Variants in ZNF322 observed in about 807,000 individuals in gnomAD.
ZNF322 encodes the protein HLA complex group 12.
Under a neutral mutation model 18.3 loss-of-function variants are expected in ZNF322, and 1 was observed. The observed-to-expected ratio is 0.05, with a 90% CI of 0.02 to 0.26. The LOEUF is 0.26. Among genes scored for constraint, ZNF322 ranks in the 10% least tolerant of loss-of-function variants. ZNF322 has a pLI of 1.00. For missense variants in ZNF322, 36 were observed against 403.6 expected (o/e 0.09, Z 7.80); for synonymous variants, 17 against 130.7 (o/e 0.13, Z 5.93).
rs535412482 is a variant in ZNF322 at position 26,656,105 on chromosome 6, A to T, written c.-246+2453T>A. Among the ~76,000 whole-genome samples, 29 of 152,304 alleles carry T rather than the reference A, an allele frequency of 1.9e-4. 1 individual carries two copies. The South Asian group carries it at 5.4e-3, about 28-fold the overall frequency. On this transcript the variant is annotated intron_variant, in intron 2 of 3. Coordinates refer to ENST00000415922, the MANE Select transcript of ZNF322 (RefSeq NM_024639.5). ...ATTTTGCAATTTTTTGTATATCTGT[A>T]CTTATTCAAAATTAAAAGGTATTTT...
At chr6:26,652,949 A>G (rs533400444) in intron 2 of ZNF322, among the ~76,000 whole-genome samples, 1 of 152,252 alleles carries the variant, frequency 6.6e-6, no homozygotes, top group East Asian at 1.9e-4. Flanking sequence ...TTTTGCTATG[A>G]ACCTAACAGT....
intron 2 of ZNF322, among the ~76,000 whole-genome samples, chr6:26,657,636 G>T (rs1464040850): frequency 6.6e-6 from 1 of 152,016 alleles, no homozygotes; most frequent in Non-Finnish European, 1.5e-5. Flanking sequence ...TTCTATTAGG[G>T]TTAGGACTTA....
At chr6:26,651,213 A>C (rs1274862996) in intron 2 of ZNF322, among the ~76,000 whole-genome samples, 1 of 151,972 alleles carries the variant, frequency 6.6e-6, no homozygotes, top group African/African-American at 2.4e-5. Context: ...CAGTCTTTTC[A>C]ACAAATGGTG....
chr6:26,654,501 CAA>C (rs1485118413), intron 2 of ZNF322, among the ~76,000 whole-genome samples: 10 of 151,994 alleles, frequency 6.6e-5, no homozygotes, highest in African/African-American at 2.2e-4. Flanking sequence ...AGGAAGTGCT[CAA>C]AAAGTGGTGC....
intron 2 of ZNF322, among the ~76,000 whole-genome samples, chr6:26,655,644 C>G (rs1281999553): frequency 1.3e-5 from 2 of 152,146 alleles, no homozygotes; most frequent in African/African-American, 4.8e-5. Context: ...AAAGTTAATG[C>G]ATTGGAAACT....
intron 2 of ZNF322, among the ~76,000 whole-genome samples, chr6:26,650,785 A>G (rs1321957826): frequency 6.6e-6 from 1 of 152,250 alleles, no homozygotes; most frequent in African/African-American, 2.4e-5. Flanking sequence ...GAAATAAAAA[A>G]GAGAACTAAA....
intron 3 of ZNF322, among the ~76,000 whole-genome samples, chr6:26,639,152 A>C (rs1554148096): frequency 6.6e-6 from 1 of 152,210 alleles, no homozygotes; most frequent in African/African-American, 2.4e-5. Context: ...AGAGAAAAGT[A>C]AGGTTTCTAT....
chr6:26,657,884 C>A (rs1765810534), intron 2 of ZNF322, among the ~76,000 whole-genome samples: 1 of 151,948 alleles, frequency 6.6e-6, no homozygotes, highest in South Asian at 2.1e-4. Flanking sequence ...TAGGAAGAGA[C>A]TAGTACTCTT....
At chr6:26,653,299 C>G (rs1243967058) in intron 2 of ZNF322, among the ~76,000 whole-genome samples, 1 of 152,040 alleles carries the variant, frequency 6.6e-6, no homozygotes, top group East Asian at 1.9e-4. Context: ...CAATCTCGTC[C>G]GGAGGGGAAT....
Position 26,653,075 on chromosome 6 carries a change from C to T in ZNF322, c.-246+5483G>A, listed in dbSNP as rs993584183. Among the ~76,000 whole-genome samples, 4 of 152,048 alleles carry T rather than the reference C, an allele frequency of 2.6e-5. 1 individual carries two copies. The South Asian group carries it at 6.2e-4, about 24-fold the overall frequency. ...AAGGTATGACAATGCATTTTGTTGT[C>T]GACACTGTAAGGAAACAGACACACT... On this transcript the variant is annotated intron_variant, in intron 2 of 3. Coordinates refer to ENST00000415922, the MANE Select transcript of ZNF322 (RefSeq NM_024639.5).
At chr6:26,645,668 C>G (rs192281002) in intron 2 of ZNF322, among the ~76,000 whole-genome samples, 3 of 151,808 alleles carry the variant, frequency 2.0e-5, no homozygotes, top group Admixed American at 6.6e-5. Flanking sequence ...TTTTAGAAAC[C>G]CTTAAAAACC....
chr6:26,639,269 G>A (rs1561921388), intron 3 of ZNF322, among the ~76,000 whole-genome samples: 1 of 152,178 alleles, frequency 6.6e-6, no homozygotes, highest in Non-Finnish European at 1.5e-5. Flanking sequence ...ACACGGTTCT[G>A]TGGAATATTA....
In ZNF322 at chr6:26,636,533, A is replaced by C. The variant is rs1765355704; in HGVS notation, c.*812T>G. On this transcript the variant is annotated 3_prime_UTR_variant, in exon 4 of 4. Coordinates refer to ENST00000415922, the MANE Select transcript of ZNF322 (RefSeq NM_024639.5). Reference sequence around the variant, plus strand: ...AACTAACTATGAGAACAGTCTTCTCATACATATTATATGTACATAGATTCT... The same window carrying C: ...AACTAACTATGAGAACAGTCTTCTCCTACATATTATATGTACATAGATTCT... 6.6e-6 allele frequency: 1 copy of C among 152,140 alleles called. No individual in the cohort carries two copies. The highest frequency in any genetic ancestry group is 1.5e-5 in the Non-Finnish European group (1 of 68,050). The allele number at this position is 152,140 out of a possible 1,614,324, so 9.4% of individuals were successfully genotyped here.
chr6:26,653,548 T>A (rs1199188747), intron 2 of ZNF322, among the ~76,000 whole-genome samples: 1 of 152,188 alleles, frequency 6.6e-6, no homozygotes, highest in Non-Finnish European at 1.5e-5. Context: ...TAAAAGAGAA[T>A]GAGGAAAATC....
At chr6:26,651,890 G>A (rs1765676839) in intron 2 of ZNF322, among the ~76,000 whole-genome samples, 1 of 152,128 alleles carries the variant, frequency 6.6e-6, no homozygotes, top group African/African-American at 2.4e-5. Context: ...GGAGTGCAGT[G>A]GTGCGATCTC....
At chr6:26,644,015 T>C (rs1554148524) in intron 2 of ZNF322, among the ~76,000 whole-genome samples, 1 of 152,160 alleles carries the variant, frequency 6.6e-6, no homozygotes, top group East Asian at 1.9e-4. Flanking sequence ...CTTGGTGGTA[T>C]CTTGAAAACA....
chr6:26,640,818 A>T (rs567914702), intron 3 of ZNF322, among the ~76,000 whole-genome samples: 21 of 152,306 alleles, frequency 1.4e-4, no homozygotes, highest in African/African-American at 5.1e-4. Flanking sequence ...TGCAAAATGT[A>T]CAGTATATGT....
rs117273300 is a variant in ZNF322, at chr6:26,644,243, A to T, written c.-245-515T>A. On this transcript the variant is annotated intron_variant, in intron 2 of 3. Transcript: ENST00000415922. ...GGAGGTGGTCAATTAGGGGCACAAA[A>T]AGAAGTTAGAGAGTCCACACTTAAC... is the stretch of plus-strand genomic sequence containing the variant. 3.9e-5 allele frequency among the ~76,000 whole-genome samples: 6 copies of T among 152,306 alleles called. No homozygotes were observed. In the East Asian group the frequency reaches 1.2e-3, roughly 29 times the overall value.
intron 2 of ZNF322, among the ~76,000 whole-genome samples, chr6:26,655,660 C>A (rs1254239368): frequency 1.3e-5 from 2 of 152,096 alleles, no homozygotes; most frequent in African/African-American, 4.8e-5. Flanking sequence ...AAACTTCATC[C>A]CCAATTCAAT....
Sources: gnomAD v4.1 joint callset for allele counts (sites outside exome capture counted in the v4.1 genomes callset) on GRCh38, gnomAD v4.1.1 for gene constraint, MANE v1.5 for transcripts, NCBI Gene and HGNC (gene_info 2026-07-23, HGNC 2026-07-21) for gene names.